Variants in C12orf42 observed in about 807,000 individuals in gnomAD.
C12orf42 encodes the protein uncharacterized protein C12orf42.
Under a neutral mutation model 21.6 loss-of-function variants are expected in C12orf42, and 25 were observed. The observed-to-expected ratio is 1.16, with a 90% CI of 0.84 to 1.62. The LOEUF (loss-of-function observed/expected upper bound fraction) is 1.62. C12orf42 is among the 40% of genes most tolerant of loss of function. The probability of loss-of-function intolerance (pLI) is 0.00; values close to 1 mark genes in which losing one functional copy is unlikely to be tolerated. For synonymous variants in C12orf42, 174 were observed against 175.0 expected (o/e 0.99, Z 0.05); for missense variants, 483 against 459.3 (o/e 1.05, Z -0.47).
At chr12:103,406,335 G>A (rs2048423569) in intron 2 of C12orf42, among the ~76,000 whole-genome samples, 1 of 152,174 alleles carries the variant, frequency 6.6e-6, no homozygotes, top group Middle Eastern at 3.2e-3. Flanking sequence ...GTAGATAGCT[G>A]CTTTCAAGAG....
At position 103,462,144 on chromosome 12, in the gene C12orf42, G is replaced by A. The variant is rs1025712185; in HGVS notation, c.78+16205C>T. ...TTTTTTGAGACAGAGTTTCGCTCTTGTTGCCCAGGCTGGAGTGCAATGGTG... is the reference window on the plus strand; with the variant it reads ...TTTTTTGAGACAGAGTTTCGCTCTTATTGCCCAGGCTGGAGTGCAATGGTG... On this transcript the variant is annotated intron_variant, in intron 2 of 5. Coordinates refer to ENST00000548883, the MANE Select transcript of C12orf42 (RefSeq NM_198521.5). Among the ~76,000 whole-genome samples, 28 of 67,156 alleles carry A rather than the reference G, an allele frequency of 4.2e-4. No individual in the cohort carries two copies. The Admixed American group carries it at 6.0e-3, about 14-fold the overall frequency. 44.1% of individuals were successfully genotyped at this position (67,156 alleles called of 152,430 possible). A position where few individuals can be genotyped will look rare whatever the true frequency, so the allele number is the denominator to read the frequency against.
chr12:103,313,095 A>C (rs1265010424), intron 4 of C12orf42, among the ~76,000 whole-genome samples: 3 of 152,160 alleles, frequency 2.0e-5, no homozygotes, highest in African/African-American at 7.2e-5. Flanking sequence ...GTTATGAAAA[A>C]ACTAGAGGCA....
intron 10 of C12orf42, among the ~76,000 whole-genome samples, chr12:103,250,800 C>T (rs1025380119): frequency 6.6e-6 from 1 of 152,046 alleles, no homozygotes; most frequent in Non-Finnish European, 1.5e-5. Flanking sequence ...CCTTCACAAG[C>T]TTTTTCCCTC....
At chr12:103,368,469 A>G (rs1458184986) in intron 4 of C12orf42, among the ~76,000 whole-genome samples, 3 of 151,972 alleles carry the variant, frequency 2.0e-5, no homozygotes, top group Non-Finnish European at 4.4e-5. Flanking sequence ...TGAACATAAG[A>G]CCAAAGTCTG....
the C12orf42 span, among the ~76,000 whole-genome samples, chr12:103,530,522 C>G: frequency 1.3e-5 from 2 of 152,080 alleles, no homozygotes; most frequent in Admixed American, 1.3e-4. Flanking sequence ...CATTATGAGG[C>G]ATGAGGGGTG....
chr12:103,524,592 C>T, the C12orf42 span, among the ~76,000 whole-genome samples: 1 of 152,220 alleles, frequency 6.6e-6, no homozygotes, highest in Admixed American at 6.5e-5. Flanking sequence ...CCCAGCAACA[C>T]AGTCAGGCTG....
the C12orf42 span, among the ~76,000 whole-genome samples, chr12:103,083,157 G>A: frequency 0.011 from 1,616 of 152,230 alleles, 11 homozygotes; most frequent in South Asian, 0.019. Context: ...CTGTGGTCAG[G>A]AGTTTGAGGC....
At chr12:103,311,811 C>T (rs2038996023) in intron 4 of C12orf42, among the ~76,000 whole-genome samples, 1 of 152,258 alleles carries the variant, frequency 6.6e-6, no homozygotes, top group Admixed American at 6.5e-5. Flanking sequence ...CACCCTTGAC[C>T]AATCAGTGAG....
At chr12:103,507,226 TA>T in the C12orf42 span, among the ~76,000 whole-genome samples, 6 of 39,580 alleles carry the variant, frequency 1.5e-4, no homozygotes, top group African/African-American at 1.5e-3. Flanking sequence ...TATATAAATA[TA>T]AATATATATA....
At chr12:103,210,195 CA>C in the C12orf42 span, among the ~76,000 whole-genome samples, 2 of 152,122 alleles carry the variant, frequency 1.3e-5, no homozygotes, top group Non-Finnish European at 2.9e-5. Flanking sequence ...AATTCTATCA[CA>C]ATTTTTGGTT....
Position 103,378,266 on chromosome 12 carries a change from C to T in C12orf42, c.148-9268G>A, listed in dbSNP as rs577050892. ...GTATGGCCAGTCTACCATGTTTGACCAGATACCCTCACTGCTCACTCGTCT... is the reference window on the plus strand; with the variant it reads ...GTATGGCCAGTCTACCATGTTTGACTAGATACCCTCACTGCTCACTCGTCT... On this transcript the variant is annotated intron_variant, in intron 3 of 5. Coordinates refer to ENST00000548883, the MANE Select transcript of C12orf42 (RefSeq NM_198521.5). 2.6e-5 allele frequency among the ~76,000 whole-genome samples: 4 copies of T among 151,478 alleles called. No homozygotes were observed. In the East Asian group the frequency reaches 7.8e-4, roughly 30 times the overall value.
chr12:103,090,939 C>A, the C12orf42 span, among the ~76,000 whole-genome samples: 1 of 151,722 alleles, frequency 6.6e-6, no homozygotes, highest in African/African-American at 2.4e-5. Flanking sequence ...ATGCTGTAAG[C>A]CAGCCCACTT....
intron 4 of C12orf42, among the ~76,000 whole-genome samples, chr12:103,287,794 CACAGAGAGAGAAAGAGAGAGAGAGAG>C (rs1016169001): frequency 4.6e-5 from 7 of 151,500 alleles, no homozygotes; most frequent in Non-Finnish European, 1.0e-4. Context: ...CAAACACACA[CACAGAGAGAGAAAGAGAGAGAGAGAG>C]ACAGAGAGAG....
At chr12:103,366,815 G>A (rs1486399946) in intron 4 of C12orf42, among the ~76,000 whole-genome samples, 2 of 151,926 alleles carry the variant, frequency 1.3e-5, no homozygotes, top group African/African-American at 2.4e-5. Context: ...TGTTGGTATG[G>A]ATGTGGTGAA....
chr12:103,199,882 G>A, the C12orf42 span, among the ~76,000 whole-genome samples: 1 of 152,120 alleles, frequency 6.6e-6, no homozygotes, highest in Non-Finnish European at 1.5e-5. Context: ...AATGTTAATG[G>A]GTATGTGAAT....
At chr12:103,403,525 A>G (rs1246640096) in intron 2 of C12orf42, among the ~76,000 whole-genome samples, 1 of 152,226 alleles carries the variant, frequency 6.6e-6, no homozygotes, top group African/African-American at 2.4e-5. Context: ...TCACACAACC[A>G]TGTAGTGACA....
the C12orf42 span, among the ~76,000 whole-genome samples, chr12:103,529,530 T>G: frequency 2.0e-5 from 3 of 152,128 alleles, no homozygotes; most frequent in Non-Finnish European, 4.4e-5. Context: ...AATACCACCC[T>G]ATTAGCAGAT....
chr12:103,060,320 A>G, the C12orf42 span, among the ~76,000 whole-genome samples: 1 of 152,200 alleles, frequency 6.6e-6, no homozygotes. Flanking sequence ...TCAAGGAAAT[A>G]AGAGAGGACA....
downstream of C12orf42, among the ~76,000 whole-genome samples, chr12:103,264,638 G>A (rs559653745): frequency 6.6e-6 from 1 of 152,132 alleles, no homozygotes; most frequent in Non-Finnish European, 1.5e-5. Flanking sequence ...TAATAAGTTA[G>A]CAAGTTATTT....
Sources: gnomAD v4.1 joint callset for allele counts (sites outside exome capture counted in the v4.1 genomes callset) on GRCh38, gnomAD v4.1.1 for gene constraint, MANE v1.5 for transcripts, NCBI Gene and HGNC (gene_info 2026-07-23, HGNC 2026-07-21) for gene names.